The following ATAD2B variants were observed in gnomAD, a reference collection of about 807,000 sequenced individuals.
ATAD2B encodes ATPase family AAA domain-containing protein 2B.
ATAD2B carries 40 observed loss-of-function variants against 167.6 expected under a neutral mutation model. That is an observed-to-expected ratio of 0.24 (90% CI 0.19 to 0.31). ATAD2B has a LOEUF of 0.31. ATAD2B is among the 10% of genes least tolerant of loss of function. The pLI is 1.00. For synonymous variants in ATAD2B, 579 were observed against 596.5 expected, an observed-to-expected ratio of 0.97 and a Z score of 0.43; for missense variants, 1,242 against 1,757.2, an observed-to-expected ratio of 0.71 and a Z score of 5.24.
intron 1 of ATAD2B, 109 bp downstream of exon 1, chr2:23,926,446 G>A (rs1025657764): frequency 2.5e-5 from 36 of 1,431,772 alleles, no homozygotes; most frequent in Non-Finnish European, 3.2e-5. Context: ...GTCTCCAGCC[G>A]CCCGAGCGGT....
At position 23,849,493 on chromosome 2, in the gene ATAD2B, A is replaced by G. The variant is rs567186028; in HGVS notation, c.1568+7922T>C. On this transcript the variant is annotated intron_variant, in intron 13 of 27. Transcript: ENST00000238789. ...ATTCATTATAGCTGGACATTTTAAC[A>G]TATTTGTCTCTGCAATCAATAGAAT... is the stretch of plus-strand genomic sequence containing the variant. Among the ~76,000 whole-genome samples, 375 of 152,346 alleles carry G rather than the reference A, an allele frequency of 2.5e-3. 1 individual carries two copies. Among genetic ancestry groups the G allele is most frequent in the Admixed American group, 3.6e-3 (55 of 15,304 alleles).
At chr2:23,867,801 A>G in intron 10 of ATAD2B, 34 bp downstream of exon 10, 1 of 1,491,120 alleles carries the variant, frequency 6.7e-7, no homozygotes, top group Non-Finnish European at 9.2e-7. Flanking sequence ...TTTAAAAAAA[A>G]GAAAACTTCT....
chr2:23,700,126 G>GTCTC, the ATAD2B span, among the ~76,000 whole-genome samples: 6 of 152,024 alleles, frequency 3.9e-5, no homozygotes, highest in South Asian at 1.2e-3. The surrounding 1 kb of genome is among the most constrained non-coding windows in gnomAD (Gnocchi z 4.6). Flanking sequence ...CAGCACTCCC[G>GTCTC]TCTCTTTCAT....
At chr2:23,855,265 C>T (rs949728821) in intron 13 of ATAD2B, among the ~76,000 whole-genome samples, 2 of 150,754 alleles carry the variant, frequency 1.3e-5, no homozygotes, top group Admixed American at 1.3e-4. Flanking sequence ...TAAAAAATGG[C>T]GCAAAAGATT....
At chr2:23,863,863 TGATA>T (rs914786041) in intron 11 of ATAD2B, among the ~76,000 whole-genome samples, 11 of 152,134 alleles carry the variant, frequency 7.2e-5, no homozygotes, top group Non-Finnish European at 1.5e-4. Flanking sequence ...TCAAAAGGAA[TGATA>T]GATAGATTCA....
intron 19 of ATAD2B, among the ~76,000 whole-genome samples, chr2:23,791,123 G>A (rs1210356361): frequency 6.6e-6 from 1 of 152,144 alleles, no homozygotes; most frequent in East Asian, 1.9e-4. Flanking sequence ...GTATGTATTA[G>A]TATTTCATTC....
At chr2:23,803,469 G>T (rs1683840478) in intron 18 of ATAD2B, among the ~76,000 whole-genome samples, 1 of 152,194 alleles carries the variant, frequency 6.6e-6, no homozygotes, top group Non-Finnish European at 1.5e-5. Flanking sequence ...ACAAAGTACA[G>T]ATTCCTGGGA....
At chr2:23,849,670 A>C (rs1692247995) in intron 13 of ATAD2B, among the ~76,000 whole-genome samples, 1 of 152,192 alleles carries the variant, frequency 6.6e-6, no homozygotes, top group Non-Finnish European at 1.5e-5. Context: ...CTCTACAAAA[A>C]TACAAAAATT....
intron 1 of ATAD2B, among the ~76,000 whole-genome samples, chr2:23,916,443 A>G (rs1449522321): frequency 6.6e-6 from 1 of 152,222 alleles, no homozygotes; most frequent in Non-Finnish European, 1.5e-5. Flanking sequence ...GTCCAAAAAT[A>G]ATGGCTGACA....
intron 15 of ATAD2B, among the ~76,000 whole-genome samples, chr2:23,827,128 A>G (rs1005973078): frequency 4.6e-5 from 7 of 152,136 alleles, no homozygotes; most frequent in Admixed American, 3.9e-4. Flanking sequence ...AATGAATGTC[A>G]TAACAAAAAA....
At chr2:23,753,860 A>G (rs1003322629) in intron 27 of ATAD2B, among the ~76,000 whole-genome samples, 10 of 152,112 alleles carry the variant, frequency 6.6e-5, no homozygotes, top group South Asian at 2.1e-4. Context: ...GACAGGCTCA[A>G]TTGGCACGTC....
At chr2:23,761,898 A>C (rs1676789570) in intron 24 of ATAD2B, among the ~76,000 whole-genome samples, 1 of 152,210 alleles carries the variant, frequency 6.6e-6, no homozygotes, top group African/African-American at 2.4e-5. Flanking sequence ...GTGGAGGATA[A>C]GGACAGGGGC....
chr2:23,717,109 T>A, the ATAD2B span, among the ~76,000 whole-genome samples: 1 of 151,790 alleles, frequency 6.6e-6, no homozygotes, highest in African/African-American at 2.4e-5. Flanking sequence ...ACATCGAAAA[T>A]AAAATTAAAT....
intron 8 of ATAD2B, among the ~76,000 whole-genome samples, chr2:23,871,457 G>A (rs1019801818): frequency 6.6e-6 from 1 of 152,170 alleles, no homozygotes; most frequent in Non-Finnish European, 1.5e-5. Context: ...CTGACTCAGA[G>A]TCAACTCCCT....
Position 23,926,575 on chromosome 2 carries a change from C to G in ATAD2B, c.196G>C (p.Val66Leu), listed in dbSNP as rs751866376. ...CTTACCCTGGCCTCATCCAGAGTGA[C>G]GCCGGCGCCACCGCTTCCCCCGGCT... ...AKAGGSGGAG[V>L]TLDEARKVEV... is the part of the protein sequence containing the mutation. The change falls in exon 1 of 28, where the codon GTC (valine) becomes CTC (leucine). Residue 66 changes from valine to leucine, a missense_variant. Transcript: ENST00000238789. The G allele has an allele frequency of 1.9e-6, 3 of 1,554,220 alleles. No homozygotes were observed. The highest frequency in any genetic ancestry group is 2.7e-5 in the African/African-American group (2 of 73,256).
At chr2:23,684,693 A>C in the ATAD2B span, among the ~76,000 whole-genome samples, 1 of 149,150 alleles carries the variant, frequency 6.7e-6, no homozygotes. The surrounding 1 kb of genome is among the most constrained non-coding windows in gnomAD (Gnocchi z 4.4). Context: ...CCTCCCCAGT[A>C]CCCTCTCACA....
intron 22 of ATAD2B, among the ~76,000 whole-genome samples, chr2:23,782,401 G>A (rs1490303359): frequency 6.6e-6 from 1 of 152,158 alleles, no homozygotes; most frequent in Non-Finnish European, 1.5e-5. Context: ...CTATACACTT[G>A]AATACAGGAT....
At chr2:23,867,171 T>G (rs188212067) in intron 10 of ATAD2B, among the ~76,000 whole-genome samples, 1 of 152,192 alleles carries the variant, frequency 6.6e-6, no homozygotes, top group African/African-American at 2.4e-5. Context: ...ATACAACTAA[T>G]TAAATCATCT....
intron 1 of ATAD2B, among the ~76,000 whole-genome samples, chr2:23,909,479 T>C (rs1418158818): frequency 2.0e-5 from 3 of 147,968 alleles, no homozygotes; most frequent in Admixed American, 6.7e-5. Context: ...CATATATATA[T>C]ACATACATAC....
Sources: gnomAD v4.1 joint callset for allele counts (sites outside exome capture counted in the v4.1 genomes callset) on GRCh38, gnomAD v4.1.1 for gene constraint, Gnocchi (gnomAD v3.1) non-coding constraint, MANE v1.5 for transcripts, NCBI Gene and HGNC (gene_info 2026-07-23, HGNC 2026-07-21) for gene names.